RANBP17: variants seen among roughly 807,000 people sequenced by gnomAD.
The protein encoded by RANBP17 is RAN binding protein 17.
In RANBP17, 158 loss-of-function variants were observed where a neutral mutation model predicts 141.2. That is an observed-to-expected ratio of 1.12 (90% CI 0.98 to 1.28). The LOEUF (loss-of-function observed/expected upper bound fraction) is 1.28, where lower values mean the gene tolerates loss of function less well. RANBP17 is among the 50% of genes most tolerant of loss of function. The pLI is 0.00. For missense variants in RANBP17, 1,438 were observed against 1,290.7 expected, an observed-to-expected ratio of 1.11 and a Z score of -1.75; for synonymous variants, 430 against 450.0, an observed-to-expected ratio of 0.96 and a Z score of 0.56.
intron 20 of RANBP17, 110 bp downstream of exon 20, chr5:171,205,722 G>A: frequency 1.2e-6 from 1 of 830,614 alleles, no homozygotes; most frequent in Non-Finnish European, 2.0e-6. Context: ...AAAGCTAAAT[G>A]AACTAATGTG....
At chr5:171,165,941 G>A (rs1167344754) in intron 14 of RANBP17, among the ~76,000 whole-genome samples, 5 of 152,076 alleles carry the variant, frequency 3.3e-5, no homozygotes. Context: ...AGGATTTGGG[G>A]TATATTATTT....
At chr5:170,953,765 A>G in intron 13 of RANBP17, 63 bp downstream of exon 13, 1 of 1,073,134 alleles carries the variant, frequency 9.3e-7, no homozygotes, top group South Asian at 1.3e-5. Context: ...TAGTTATTGA[A>G]CTAGTATTAT....
intron 20 of RANBP17, among the ~76,000 whole-genome samples, chr5:171,209,557 T>C (rs1340561696): frequency 1.3e-5 from 2 of 152,186 alleles, no homozygotes. Flanking sequence ...GATTGCTCTT[T>C]AGAAGCCCAC....
chr5:171,042,730 T>C (rs538302920), intron 14 of RANBP17, among the ~76,000 whole-genome samples: 2 of 152,260 alleles, frequency 1.3e-5, no homozygotes, highest in East Asian at 3.9e-4. Context: ...AACTATAGTG[T>C]GCCAAATGTT....
chr5:171,296,594 G>A (rs1465717630), intron 27 of RANBP17, among the ~76,000 whole-genome samples: 1 of 152,210 alleles, frequency 6.6e-6, no homozygotes, highest in Non-Finnish European at 1.5e-5. Context: ...ACCCCATAAT[G>A]ATGTAAAAAT....
At chr5:171,290,378 AAAAG>A (rs754170919) in intron 25 of RANBP17, among the ~76,000 whole-genome samples, 736 of 148,850 alleles carry the variant, frequency 4.9e-3, no homozygotes, top group African/African-American at 9.5e-3. Flanking sequence ...AAAAAAAAAA[AAAAG>A]AAAGAAAGAA....
intron 1 of RANBP17, among the ~76,000 whole-genome samples, chr5:170,872,184 T>G (rs937906252): frequency 6.6e-6 from 1 of 152,252 alleles, no homozygotes; most frequent in African/African-American, 2.4e-5. Context: ...TTGTGTCCTC[T>G]CATTTCCTCG....
chr5:170,875,681 T>C (rs1768119307), intron 1 of RANBP17, among the ~76,000 whole-genome samples: 2 of 108,590 alleles, frequency 1.8e-5, no homozygotes, highest in Non-Finnish European at 3.9e-5. Flanking sequence ...CTCTCTCAAC[T>C]GGTTATTCTA....
intron 14 of RANBP17, among the ~76,000 whole-genome samples, chr5:171,162,194 A>T (rs1018818420): frequency 6.6e-6 from 1 of 152,172 alleles, no homozygotes; most frequent in African/African-American, 2.4e-5. Context: ...GGCTTTATCC[A>T]TAGAAGACTA....
intron 14 of RANBP17, among the ~76,000 whole-genome samples, chr5:171,061,693 G>A (rs1388641150): frequency 6.6e-6 from 1 of 152,162 alleles, no homozygotes; most frequent in Non-Finnish European, 1.5e-5. Flanking sequence ...TTGGTGCAGA[G>A]CTCAGTTCAA....
At chr5:171,223,463 G>A (rs551411766) in intron 22 of RANBP17, among the ~76,000 whole-genome samples, 19 of 152,132 alleles carry the variant, frequency 1.2e-4, no homozygotes, top group East Asian at 3.9e-4. Flanking sequence ...GTGAAACCCC[G>A]TCTCTACCAA....
intron 14 of RANBP17, among the ~76,000 whole-genome samples, chr5:171,052,477 C>A (rs1427909189): frequency 6.6e-6 from 1 of 152,118 alleles, no homozygotes; most frequent in Non-Finnish European, 1.5e-5. Flanking sequence ...GTTGAAGATA[C>A]TATTCTTTCC....
intron 14 of RANBP17, among the ~76,000 whole-genome samples, chr5:171,132,394 T>C (rs1452743028): frequency 6.6e-6 from 1 of 151,624 alleles, no homozygotes; most frequent in Non-Finnish European, 1.5e-5. Context: ...TTTTTTTAAT[T>C]GTCTGCAGGG....
intron 14 of RANBP17, among the ~76,000 whole-genome samples, chr5:171,080,563 G>A (rs1161277184): frequency 6.6e-6 from 1 of 152,146 alleles, no homozygotes; most frequent in Admixed American, 6.5e-5. Context: ...ATCATGTGAG[G>A]TTTATTCAGT....
In RANBP17 at chr5:171,080,244, AACACACACACACACAC is replaced by A. The variant is rs5873252; in HGVS notation, c.1711-89869_1711-89854del. ...TATTATCTTACATACACACACACAA[AACACACACACACACAC>A]ACACACACACACACACGGCTTGAGT... On this transcript the variant is annotated intron_variant, in intron 14 of 27. Transcript: ENST00000523189. 4.8e-3 allele frequency among the ~76,000 whole-genome samples: 712 copies of A among 147,886 alleles called. 5 individuals carry two copies. The highest frequency in any genetic ancestry group is 0.017 in the African/African-American group (690 of 40,228).
chr5:170,870,422 A>G (rs762667244), intron 1 of RANBP17, among the ~76,000 whole-genome samples: 54 of 143,698 alleles, frequency 3.8e-4, no homozygotes, highest in Admixed American at 4.9e-4. Flanking sequence ...CCCTGTGTCC[A>G]TGTGTCTTCA....
chr5:170,891,507 G>T (rs755410019), intron 3 of RANBP17, among the ~76,000 whole-genome samples: 1 of 152,184 alleles, frequency 6.6e-6, no homozygotes, highest in Non-Finnish European at 1.5e-5. Flanking sequence ...CTGCTATAAA[G>T]AAATATCTGA....
intron 25 of RANBP17, among the ~76,000 whole-genome samples, chr5:171,278,021 C>T (rs1393639610): frequency 1.7e-5 from 2 of 115,116 alleles, no homozygotes; most frequent in Non-Finnish European, 3.2e-5. Context: ...CAAGCTGGCT[C>T]AGTTTGAGTC....
intron 12 of RANBP17, among the ~76,000 whole-genome samples, chr5:170,952,405 G>A (rs558075412): frequency 1.3e-5 from 2 of 152,076 alleles, no homozygotes; most frequent in Non-Finnish European, 2.9e-5. Flanking sequence ...TTTTGTGAGA[G>A]AATAAAGGAT....
Sources: allele counts gnomAD v4.1 joint callset (sites outside exome capture counted in the v4.1 genomes callset), GRCh38; gene constraint gnomAD v4.1.1; transcripts MANE v1.5; gene names NCBI Gene and HGNC (gene_info 2026-07-23, HGNC 2026-07-21).